CNTN5: variants seen among roughly 807,000 people sequenced by gnomAD.
CNTN5 encodes the protein contactin 5, also known as contactin-5.
In CNTN5, 77 loss-of-function variants were observed where a neutral mutation model predicts 129.1. The ratio of observed to expected loss-of-function variants is 0.60; its 90% CI spans 0.50 to 0.72. CNTN5 has a LOEUF of 0.72. Among genes scored for constraint, CNTN5 ranks in the 30% least tolerant of loss-of-function variants. The pLI, the probability that CNTN5 is intolerant of heterozygous loss-of-function variation, is 0.00. For missense variants in CNTN5, 1,478 were observed against 1,328.8 expected (o/e 1.11, Z -1.75); for synonymous variants, 509 against 465.6 (o/e 1.09, Z -1.20).
chr11:99,559,154 T>C (rs1267184344), intron 3 of CNTN5, among the ~76,000 whole-genome samples: 2 of 152,126 alleles, frequency 1.3e-5, no homozygotes, highest in Non-Finnish European at 2.9e-5. Context: ...TTTAGCTGTA[T>C]ATGAATGTCA....
chr11:99,237,444 A>C (rs953887693), intron 1 of CNTN5, among the ~76,000 whole-genome samples: 1 of 152,164 alleles, frequency 6.6e-6, no homozygotes, highest in Non-Finnish European at 1.5e-5. Context: ...ACACTGTGGG[A>C]AGCCGAGGTG....
chr11:99,389,689 C>G (rs960349351), intron 2 of CNTN5, among the ~76,000 whole-genome samples: 4 of 152,012 alleles, frequency 2.6e-5, no homozygotes, highest in Non-Finnish European at 4.4e-5. Flanking sequence ...AAAAAAGTAG[C>G]AGAATGACTA....
At chr11:99,900,088 T>A (rs1949314451) in intron 6 of CNTN5, among the ~76,000 whole-genome samples, 1 of 151,994 alleles carries the variant, frequency 6.6e-6, no homozygotes, top group Non-Finnish European at 1.5e-5. Flanking sequence ...TCTACTTATT[T>A]GAGTCTTCTC....
At chr11:99,107,059 T>G (rs1225920146) in intron 1 of CNTN5, among the ~76,000 whole-genome samples, 1 of 152,158 alleles carries the variant, frequency 6.6e-6, no homozygotes, top group Non-Finnish European at 1.5e-5. Flanking sequence ...CTATCTGTTA[T>G]CAAACAAGTG....
chr11:100,157,120 T>C (rs565064283), intron 13 of CNTN5, among the ~76,000 whole-genome samples: 2 of 151,714 alleles, frequency 1.3e-5, no homozygotes, highest in Non-Finnish European at 3.0e-5. Flanking sequence ...GCTTTCTTTT[T>C]ATCACTTTTC....
intron 3 of CNTN5, among the ~76,000 whole-genome samples, chr11:99,788,756 A>T (rs1233752767): frequency 6.6e-6 from 1 of 151,938 alleles, no homozygotes; most frequent in Non-Finnish European, 1.5e-5. Flanking sequence ...TGGCCAGATT[A>T]AATTTCTCCT....
At chr11:99,683,564 T>C (rs1166019158) in intron 3 of CNTN5, among the ~76,000 whole-genome samples, 1 of 151,916 alleles carries the variant, frequency 6.6e-6, no homozygotes, top group Non-Finnish European at 1.5e-5. Context: ...TTTTACTTGG[T>C]TGGCCACTTT....
chr11:100,277,649 A>G (rs188737591), intron 18 of CNTN5, among the ~76,000 whole-genome samples: 191 of 152,046 alleles, frequency 1.3e-3, no homozygotes, highest in Non-Finnish European at 2.1e-3. Context: ...TCTTTTGCCC[A>G]TTTTATGAAT....
At chr11:99,479,014 T>C (rs1209877779) in intron 2 of CNTN5, among the ~76,000 whole-genome samples, 1 of 152,032 alleles carries the variant, frequency 6.6e-6, no homozygotes, top group Non-Finnish European at 1.5e-5. Flanking sequence ...AATATAGAAA[T>C]AAAATAGACC....
At chr11:100,107,466 C>T (rs886181795) in intron 13 of CNTN5, among the ~76,000 whole-genome samples, 3 of 150,070 alleles carry the variant, frequency 2.0e-5, no homozygotes, top group African/African-American at 7.4e-5. Context: ...GGCTTATTTC[C>T]AGATGCTGCA....
chr11:99,356,626 T>C lies in CNTN5; in HGVS notation c.-71+31142T>C, dbSNP rs201231168. Among the ~76,000 whole-genome samples, 9 of 152,306 alleles carry C rather than the reference T, an allele frequency of 5.9e-5. No individual in the cohort carries two copies. The East Asian group carries it at 1.7e-3, about 29-fold the overall frequency. On this transcript the variant is annotated intron_variant, in intron 2 of 24. Coordinates refer to ENST00000524871, the MANE Select transcript of CNTN5 (RefSeq NM_014361.4). The stretch of plus-strand genomic sequence containing the variant: ...CTGTCCATTATTCTGTCAACCCTCT[T>C]AGAGTATATTTACCTTTAATAACAA...
chr11:99,447,011 C>G (rs1411676210), intron 2 of CNTN5, among the ~76,000 whole-genome samples: 5 of 152,184 alleles, frequency 3.3e-5, no homozygotes, highest in African/African-American at 9.7e-5. Flanking sequence ...CTCTTTGCCC[C>G]AAGCCTACTG....
intron 23 of CNTN5, among the ~76,000 whole-genome samples, chr11:100,342,583 T>G (rs1410962235): frequency 6.6e-6 from 1 of 152,064 alleles, no homozygotes; most frequent in Non-Finnish European, 1.5e-5. Flanking sequence ...CCAGGCTAGG[T>G]GCCACTACTC....
chr11:99,441,357 T>G (rs1307276947), intron 2 of CNTN5, among the ~76,000 whole-genome samples: 2 of 152,202 alleles, frequency 1.3e-5, no homozygotes, highest in African/African-American at 2.4e-5. Flanking sequence ...AACAATAAAA[T>G]AATCTTGAAC....
At chr11:99,318,733 C>T (rs555732375) in intron 1 of CNTN5, among the ~76,000 whole-genome samples, 1 of 152,046 alleles carries the variant, frequency 6.6e-6, no homozygotes, top group Non-Finnish European at 1.5e-5. Context: ...GGTTTGGTAC[C>T]AGACAGGTGG....
intron 8 of CNTN5, among the ~76,000 whole-genome samples, chr11:100,000,640 G>T (rs1259715994): frequency 1.3e-5 from 2 of 152,170 alleles, no homozygotes; most frequent in Non-Finnish European, 2.9e-5. Context: ...TACCCCAGTG[G>T]GGACACTGTG....
chr11:99,989,933 T>C (rs1159971787), intron 8 of CNTN5, among the ~76,000 whole-genome samples: 2 of 152,076 alleles, frequency 1.3e-5, no homozygotes, highest in African/African-American at 2.4e-5. Context: ...GCACAGCTAC[T>C]TTTTTGTATT....
At chr11:99,851,583 T>C (rs1295509709) in intron 6 of CNTN5, among the ~76,000 whole-genome samples, 1 of 152,192 alleles carries the variant, frequency 6.6e-6, no homozygotes, top group East Asian at 1.9e-4. Context: ...AAACATATAA[T>C]GAATCAGGAA....
At chr11:99,646,836 A>T (rs1385254426) in intron 3 of CNTN5, among the ~76,000 whole-genome samples, 1 of 150,794 alleles carries the variant, frequency 6.6e-6, no homozygotes, top group East Asian at 1.9e-4. Context: ...AAGGAAAAAA[A>T]CCCTAGACTT....
Sources: gnomAD v4.1 joint callset for allele counts (sites outside exome capture counted in the v4.1 genomes callset) on GRCh38, gnomAD v4.1.1 for gene constraint, MANE v1.5 for transcripts, NCBI Gene and HGNC (gene_info 2026-07-23, HGNC 2026-07-21) for gene names.